The following SVOP variants were observed in gnomAD, a reference collection of about 807,000 sequenced individuals.
SVOP encodes synaptic vesicle 2-related protein.
SVOP carries 17 observed loss-of-function variants against 69.1 expected under a neutral mutation model. The observed-to-expected ratio is 0.25, with a 90% confidence interval of 0.17 to 0.37. The LOEUF is 0.37. Among genes scored for constraint, SVOP ranks in the 10% least tolerant of loss-of-function variants. The pLI is 1.00. For missense variants in SVOP, 435 were observed against 597.5 expected (o/e 0.73, Z 2.84); for synonymous variants, 238 against 238.6 (o/e 1.00, Z 0.02).
intron 15 of SVOP, among the ~76,000 whole-genome samples, chr12:108,915,016 T>C (rs1267427125): frequency 2.6e-5 from 4 of 151,008 alleles, no homozygotes; most frequent in African/African-American, 9.7e-5. Context: ...CTACTAAAAA[T>C]ACAGAAATTA....
intron 13 of SVOP, among the ~76,000 whole-genome samples, chr12:108,919,153 C>T (rs547906152): frequency 6.6e-6 from 1 of 152,080 alleles, no homozygotes; most frequent in African/African-American, 2.4e-5. Context: ...AATACCCACA[C>T]CTGGGCCTCA....
chr12:108,941,096 A>G (rs770597995), intron 7 of SVOP, among the ~76,000 whole-genome samples, 187 bp from the exon 8 acceptor site: 5 of 152,162 alleles, frequency 3.3e-5, no homozygotes, highest in Non-Finnish European at 7.4e-5. Flanking sequence ...CCAGCTCACA[A>G]GGGTACCATT....
At chr12:108,956,457 A>G (rs1029699928) in intron 6 of SVOP, among the ~76,000 whole-genome samples, 7 of 152,128 alleles carry the variant, frequency 4.6e-5, no homozygotes, top group Non-Finnish European at 7.4e-5. Context: ...CCACCCTCCA[A>G]TGCTGATCTT....
intron 14 of SVOP, among the ~76,000 whole-genome samples, chr12:108,917,123 C>T (rs1769354556): frequency 6.6e-6 from 1 of 152,200 alleles, no homozygotes; most frequent in African/African-American, 2.4e-5. Context: ...CATTAGCTAA[C>T]ATGTTTTAAC....
chr12:108,934,355 T>C (rs1201468356), intron 10 of SVOP, 84 bp from the exon 11 acceptor site: 1 of 1,174,792 alleles, frequency 8.5e-7, no homozygotes, highest in East Asian at 2.6e-5. Context: ...AGGGCCAATG[T>C]CTACAGCAGC....
intron 1 of SVOP, among the ~76,000 whole-genome samples, chr12:109,006,415 G>A (rs1356009454): frequency 1.3e-5 from 2 of 152,056 alleles, no homozygotes; most frequent in Non-Finnish European, 2.9e-5. Flanking sequence ...GAGAAATCAC[G>A]AGATGTGAGC....
At chr12:108,984,309 C>T (rs1019758642) in intron 1 of SVOP, among the ~76,000 whole-genome samples, 4 of 152,166 alleles carry the variant, frequency 2.6e-5, no homozygotes, top group South Asian at 2.1e-4. Context: ...TGAGCTACCA[C>T]GCCTGGTGCC....
At chr12:108,981,233 C>T (rs2040133699) in intron 2 of SVOP, among the ~76,000 whole-genome samples, 1 of 152,204 alleles carries the variant, frequency 6.6e-6, no homozygotes, top group African/African-American at 2.4e-5. Context: ...TAATCCCCAT[C>T]ACAATCCTAT....
At chr12:109,010,691 G>C (rs1490001524) in intron 1 of SVOP, among the ~76,000 whole-genome samples, 1 of 151,738 alleles carries the variant, frequency 6.6e-6, no homozygotes. Context: ...TTTTTAGAGA[G>C]GGGGTCTTGC....
chr12:108,948,506 T>C (rs1281042906), intron 6 of SVOP, among the ~76,000 whole-genome samples: 5 of 152,228 alleles, frequency 3.3e-5, no homozygotes, highest in South Asian at 2.1e-4. Context: ...GCTAGTAAGT[T>C]AGTAAGCAGA....
rs1307796496 is a variant in SVOP, at chr12:108,915,771, G to T, written c.1440+12C>A. On this transcript the variant is annotated intron_variant, in intron 15 of 15. Transcript: ENST00000610966. ...CACCCCCCATCCCTCTGTATTTGGGGGCAGCACCTACCTGGGCGATGAACG... is the reference window on the plus strand; with the variant it reads ...CACCCCCCATCCCTCTGTATTTGGGTGCAGCACCTACCTGGGCGATGAACG... 1 of 1,595,938 alleles carries T rather than the reference G, an allele frequency of 6.3e-7. No homozygotes were observed.
At chr12:108,938,583 A>G (rs943503270) in intron 9 of SVOP, among the ~76,000 whole-genome samples, 2 of 152,180 alleles carry the variant, frequency 1.3e-5, no homozygotes, top group Non-Finnish European at 2.9e-5. Context: ...TTCTCTAATC[A>G]CTGGTGAAAT....
At chr12:108,934,403 C>G in intron 10 of SVOP, 132 bp from the exon 11 acceptor site, 1 of 676,860 alleles carries the variant, frequency 1.5e-6, no homozygotes, top group East Asian at 2.8e-5. Flanking sequence ...ATTTTGGGGG[C>G]TTTACTGGGG....
chr12:108,910,841 G>A lies in SVOP; in HGVS notation c.*1694C>T. 1 of 152,358 alleles carries A rather than the reference G, an allele frequency of 6.6e-6. No homozygotes were observed. The allele number at this position is 152,358 out of a possible 1,614,324, so 9.4% of individuals were successfully genotyped here. A position where few individuals can be genotyped will look rare whatever the true frequency, so the allele number is the denominator to read the frequency against. Reference sequence around the variant, plus strand: ...GGTAGTCAGACCGTTAGGCTGGACTGTCACTAGGACATGATGACAATGAAT... The same window carrying A: ...GGTAGTCAGACCGTTAGGCTGGACTATCACTAGGACATGATGACAATGAAT... On this transcript the variant is annotated 3_prime_UTR_variant, in exon 16 of 16. Coordinates refer to ENST00000610966, the MANE Select transcript of SVOP (RefSeq NM_018711.5).
At chr12:108,934,999 G>C (rs1473732063) in intron 10 of SVOP, among the ~76,000 whole-genome samples, 3 of 152,166 alleles carry the variant, frequency 2.0e-5, no homozygotes, top group Non-Finnish European at 4.4e-5. Flanking sequence ...TTTCTTGCAT[G>C]AAATCCAAAA....
intron 12 of SVOP, among the ~76,000 whole-genome samples, chr12:108,921,461 T>C (rs1016906355): frequency 6.6e-6 from 1 of 151,826 alleles, no homozygotes; most frequent in Non-Finnish European, 1.5e-5. Flanking sequence ...GGAAGTAAAT[T>C]TGGGAAGGGA....
At chr12:109,006,143 C>G (rs1461289286) in intron 1 of SVOP, among the ~76,000 whole-genome samples, 1 of 152,144 alleles carries the variant, frequency 6.6e-6, no homozygotes, top group African/African-American at 2.4e-5. Context: ...ACTTCTCACT[C>G]CTGGATTCAA....
intron 6 of SVOP, among the ~76,000 whole-genome samples, chr12:108,956,238 C>A (rs1288365763): frequency 1.3e-5 from 2 of 149,260 alleles, no homozygotes; most frequent in East Asian, 4.0e-4. Context: ...GGAGGCGGAG[C>A]TTGTAGTGAG....
rs763930042 is a variant in SVOP, at chr12:108,937,313, G to C, written c.922C>G (p.Leu308Val). 6.2e-7 allele frequency: 1 copy of C among 1,613,908 alleles called. No homozygotes were observed. Among genetic ancestry groups the C allele is most frequent in the Non-Finnish European group, 8.5e-7 (1 of 1,179,858 alleles). The change falls in exon 10 of 16, where the codon CTT (leucine) becomes GTT (valine). Residue 308 changes from leucine to valine, a missense_variant. Coordinates refer to ENST00000610966, the MANE Select transcript of SVOP (RefSeq NM_018711.5). The part of the protein sequence containing the change: ...RQEDRGKMRD[L>V]FTPHFRWTTL... ...GTCCATCTAAAATGGGGTGTGAAAA[G>C]GTCCCTCATTTTGCCTCGGTCTTCC...
Sources: allele counts gnomAD v4.1 joint callset (sites outside exome capture counted in the v4.1 genomes callset), GRCh38; gene constraint gnomAD v4.1.1; transcripts MANE v1.5; gene names NCBI Gene and HGNC (gene_info 2026-07-23, HGNC 2026-07-21).